The following MYO7B variants were observed in gnomAD, a reference collection of about 807,000 sequenced individuals.
MYO7B encodes the protein myosin VIIB, also known as unconventional myosin-VIIb.
In MYO7B, 212 loss-of-function variants were observed where a neutral mutation model predicts 259.7. That is an observed-to-expected ratio of 0.82 (90% confidence interval 0.73 to 0.91). MYO7B has a LOEUF of 0.91. Among genes scored for constraint, MYO7B ranks in the 40% least tolerant of loss-of-function variants. The pLI is 0.00. For synonymous variants in MYO7B, 1,197 were observed against 1,166.4 expected, an observed-to-expected ratio of 1.03 and a Z score of -0.54; for missense variants, 2,732 against 2,813.5, an observed-to-expected ratio of 0.97 and a Z score of 0.66.
rs763698114 is a variant in MYO7B, at chr2:127,635,906, AG to A, written c.6006+1del. On this transcript the variant is annotated frameshift_variant and splice_region_variant, in exon 44 of 48. Transcript: ENST00000409816. LOFTEE classifies it high-confidence loss of function. ...TRLMSSEEWKKSILLAYDKHK... is the reference protein window; with the variant it reads ...TRLMSSEEWKXSILLAYDKHK... Reference sequence around the variant, plus strand: ...CTGATGTCCTCGGAGGAGTGGAAAAAGGTCCCTGGTCGGGCTGGGGAAGGGT... The same window carrying A: ...CTGATGTCCTCGGAGGAGTGGAAAAAGTCCCTGGTCGGGCTGGGGAAGGGT... 114 of 1,566,062 alleles carry A rather than the reference AG, an allele frequency of 7.3e-5. No homozygotes were observed. Among genetic ancestry groups the A allele is most frequent in the Admixed American group, 1.9e-5 (1 of 52,830 alleles).
At chr2:127,540,249 C>T (rs952657034) in intron 1 of MYO7B, among the ~76,000 whole-genome samples, 6 of 151,864 alleles carry the variant, frequency 4.0e-5, no homozygotes, top group Admixed American at 6.6e-5. Flanking sequence ...CTGCAATCTC[C>T]GCCTCCCGGA....
chr2:127,578,308 C>T, intron 9 of MYO7B, 22 bp downstream of exon 9: 1 of 1,613,160 alleles, frequency 6.2e-7, no homozygotes, highest in African/African-American at 1.3e-5. Flanking sequence ...TCTGCCCCAA[C>T]TGCACCCTTG....
chr2:127,607,365 AT>A lies in MYO7B; in HGVS notation c.2586del (p.Gln863ArgfsTer63), dbSNP rs745649423. 3.2e-6 allele frequency: 5 copies of A among 1,551,324 alleles called. No individual in the cohort carries two copies. The highest frequency in any genetic ancestry group is 2.6e-6 in the Non-Finnish European group (3 of 1,146,874). ...VQAKRRAVVV[I>X]QAHARGMAAR... ...GGCCAAGAGGAGGGCAGTGGTGGTC[AT>A]TCAGGCCCATGCCAGGGGCATGGCT... On this transcript the variant is annotated frameshift_variant, in exon 21 of 48. Coordinates refer to ENST00000409816, the MANE Select transcript of MYO7B (RefSeq NM_001393586.1). LOFTEE classifies it high-confidence loss of function. This position sits in a 1 kb window ranked among gnomAD's most constrained non-coding sequence, Gnocchi z 4.4.
At chr2:127,608,173 G>A (rs111976411) in intron 21 of MYO7B, among the ~76,000 whole-genome samples, 3 of 152,304 alleles carry the variant, frequency 2.0e-5, no homozygotes, top group African/African-American at 7.2e-5. Flanking sequence ...CTCCATGGAT[G>A]AAAACTTGGT....
At chr2:127,588,926 TGGAC>T (rs1679418282) in intron 15 of MYO7B, among the ~76,000 whole-genome samples, 1 of 146,336 alleles carries the variant, frequency 6.8e-6, no homozygotes, top group African/African-American at 2.6e-5. Flanking sequence ...GGTGAGTGGA[TGGAC>T]GGGTGAATGG....
intron 1 of MYO7B, among the ~76,000 whole-genome samples, chr2:127,536,703 T>C (rs558627180): frequency 6.6e-6 from 1 of 152,314 alleles, no homozygotes; most frequent in South Asian, 2.1e-4. Flanking sequence ...GGCTCCACTT[T>C]GTAACCCTGG....
At position 127,627,073 on chromosome 2, in the gene MYO7B, C is replaced by G. The variant is rs376461716; in HGVS notation, c.4314C>G (p.Phe1438Leu). 1.2e-6 allele frequency: 2 copies of G among 1,611,086 alleles called. No individual in the cohort carries two copies. The highest frequency in any genetic ancestry group is 3.3e-5 in the Admixed American group (2 of 59,724). The change falls in exon 32 of 48, where the codon TTC (phenylalanine) becomes TTG (leucine). Residue 1438 changes from phenylalanine to leucine, a missense_variant. Around this residue, in one of 3 missense-constraint regions of MYO7B, gnomAD observed 1,906 missense variants for 2,026.4 expected, o/e 0.94. Coordinates refer to ENST00000409816, the MANE Select transcript of MYO7B (RefSeq NM_001393586.1). The surrounding 1 kb of genome is among the most constrained non-coding windows in gnomAD (Gnocchi z 5.6). ...GGCCGCTGCTCTTCTCCCGGCTCTTCGAAGTCATCACACTCTCAGGTAATG... is the reference window on the plus strand; with the variant it reads ...GGCCGCTGCTCTTCTCCCGGCTCTTGGAAGTCATCACACTCTCAGGTAATG... The part of the protein sequence containing the change: ...LQWPLLFSRL[F>L]EVITLSGPRL...
At chr2:127,575,702 G>T (rs935629166) in intron 7 of MYO7B, among the ~76,000 whole-genome samples, 1 of 152,100 alleles carries the variant, frequency 6.6e-6, no homozygotes, top group African/African-American at 2.4e-5. Context: ...GGATGGAAAG[G>T]AGCTCTCATT....
At chr2:127,543,754 T>TA (rs199836485) in intron 1 of MYO7B, among the ~76,000 whole-genome samples, 15,812 of 148,594 alleles carry the variant, frequency 0.11, 1,199 homozygotes, top group East Asian at 0.24. Context: ...ATATATATAT[T>TA]TTTTTTTTGA....
intron 1 of MYO7B, among the ~76,000 whole-genome samples, chr2:127,558,371 A>C (rs1191198127): frequency 6.6e-6 from 1 of 152,246 alleles, no homozygotes; most frequent in Non-Finnish European, 1.5e-5. Flanking sequence ...GATGCAGTGA[A>C]AAGGGAATGC....
At position 127,636,061 on chromosome 2, in the gene MYO7B, C is replaced by T; in HGVS notation, c.6007-147C>T. 1 of 1,052,470 alleles carries T rather than the reference C, an allele frequency of 9.5e-7. No individual in the cohort carries two copies. Among genetic ancestry groups the T allele is most frequent in the Non-Finnish European group, 1.4e-6 (1 of 725,360 alleles). The allele number at this position is 1,052,470 out of a possible 1,614,324, so 65.2% of individuals were successfully genotyped here. A position where few individuals can be genotyped will look rare whatever the true frequency, so the allele number is the denominator to read the frequency against. On this transcript the variant is annotated intron_variant, in intron 44 of 47. Coordinates refer to ENST00000409816, the MANE Select transcript of MYO7B (RefSeq NM_001393586.1). This position sits in a 1 kb window ranked among gnomAD's most constrained non-coding sequence, Gnocchi z 4.5. ...TCTGCACACACCACGCCTTCCTATG[C>T]CATCCACAGCACCGAGACTGTCCCA...
intron 1 of MYO7B, among the ~76,000 whole-genome samples, chr2:127,548,630 G>A (rs991636136): frequency 5.9e-5 from 9 of 151,832 alleles, no homozygotes; most frequent in African/African-American, 2.2e-4. Flanking sequence ...TGGTCAGGCT[G>A]GTCTCGAACT....
At position 127,546,035 on chromosome 2, in the gene MYO7B, T is replaced by A. The variant is rs566805466; in HGVS notation, c.-24+10204T>A. On this transcript the variant is annotated intron_variant, in intron 1 of 47. Coordinates refer to ENST00000409816, the MANE Select transcript of MYO7B (RefSeq NM_001393586.1). The surrounding 1 kb of genome is among the most constrained non-coding windows in gnomAD (Gnocchi z 4.2). ...TGTTCTTCTTGAGTGATGGCTTCCA[T>A]GCCAGGTACTCTCAGCTCTGGGGAG... is the stretch of plus-strand genomic sequence containing the variant. Among the ~76,000 whole-genome samples the A allele has an allele frequency of 6.6e-6, 1 of 152,232 alleles. No homozygotes were observed. The highest frequency in any genetic ancestry group is 1.5e-5 in the Non-Finnish European group (1 of 68,040).
chr2:127,538,496 G>A (rs994916823), intron 1 of MYO7B, among the ~76,000 whole-genome samples: 2 of 152,140 alleles, frequency 1.3e-5, no homozygotes, highest in African/African-American at 2.4e-5. Context: ...TGCTCATCAG[G>A]TTAAGAGAGA....
intron 27 of MYO7B, 30 bp downstream of exon 27, chr2:127,620,496 A>AG (rs1680793132): frequency 7.7e-6 from 4 of 519,444 alleles, no homozygotes; most frequent in East Asian, 5.2e-5. Flanking sequence ...GAGGGCGGGC[A>AG]GGGGGCAGGT....
chr2:127,636,111 C>T lies in MYO7B; in HGVS notation c.6007-97C>T. 1.7e-6 allele frequency: 2 copies of T among 1,159,200 alleles called. No homozygotes were observed. The highest frequency in any genetic ancestry group is 2.8e-5 in the South Asian group (2 of 71,154). 71.8% of individuals were successfully genotyped at this position (1,159,200 alleles called of 1,614,324 possible). A position where few individuals can be genotyped will look rare whatever the true frequency, so the allele number is the denominator to read the frequency against. On this transcript the variant is annotated intron_variant, in intron 44 of 47. Transcript: ENST00000409816. This position sits in a 1 kb window ranked among gnomAD's most constrained non-coding sequence, Gnocchi z 4.5. ...ATGCTGCATTCCTCCCCTCCCCTCC[C>T]CACCGTACTAGCCCTGGGGTAGGCA...
chr2:127,547,839 C>T lies in MYO7B; in HGVS notation c.-23-11861C>T, dbSNP rs558848330. Among the ~76,000 whole-genome samples, 21 of 152,226 alleles carry T rather than the reference C, an allele frequency of 1.4e-4. 1 individual carries two copies. The South Asian group carries it at 2.9e-3, about 21-fold the overall frequency. On this transcript the variant is annotated intron_variant, in intron 1 of 47. Transcript: ENST00000409816. ...TTAGAGTAACGCTGGCCTCATAGAA[C>T]GAGTTAGAAAGTATTTCCTCTGCTT...
chr2:127,596,940 A>G (rs954922728), intron 19 of MYO7B, among the ~76,000 whole-genome samples: 1 of 152,238 alleles, frequency 6.6e-6, no homozygotes, highest in African/African-American at 2.4e-5. Flanking sequence ...GTAAGAGGGT[A>G]CCGCTAGAGT....
At chr2:127,548,702 C>T (rs1693331289) in intron 1 of MYO7B, among the ~76,000 whole-genome samples, 1 of 152,162 alleles carries the variant, frequency 6.6e-6, no homozygotes, top group Non-Finnish European at 1.5e-5. Context: ...GCATGAGCTA[C>T]CACGCCCGGC....
Sources: gnomAD v4.1 joint callset for allele counts (sites outside exome capture counted in the v4.1 genomes callset) on GRCh38, gnomAD v4.1.1 for gene constraint, gnomAD v4.1.1 regional missense constraint, Gnocchi (gnomAD v3.1) non-coding constraint, MANE v1.5 for transcripts, NCBI Gene and HGNC (gene_info 2026-07-23, HGNC 2026-07-21) for gene names.